Variants in MSRA observed in about 807,000 individuals in gnomAD.
The protein encoded by MSRA is mitochondrial peptide methionine sulfoxide reductase.
MSRA carries 54 observed loss-of-function variants against 31.3 expected under a neutral mutation model. The observed-to-expected ratio is 1.73, with a 90% CI of 1.39 to 2.17. MSRA has a LOEUF of 2.17. MSRA is among the 30% of genes most tolerant of loss of function. The probability of loss-of-function intolerance (pLI) is 0.00; values close to 1 mark genes in which losing one functional copy is unlikely to be tolerated. For synonymous variants in MSRA, 169 were observed against 116.5 expected (o/e 1.45, Z -2.90); for missense variants, 507 against 300.9 (o/e 1.69, Z -5.07).
chr8:10,184,635 C>T (rs1289215082), intron 1 of MSRA, among the ~76,000 whole-genome samples: 1 of 152,146 alleles, frequency 6.6e-6, no homozygotes, highest in Non-Finnish European at 1.5e-5. Flanking sequence ...GATGCCTTGT[C>T]TGATGCATTC....
chr8:10,298,599 T>C (rs1278329456), intron 3 of MSRA, among the ~76,000 whole-genome samples: 4 of 149,054 alleles, frequency 2.7e-5, no homozygotes, highest in South Asian at 2.2e-4. Flanking sequence ...TGGTAAATTT[T>C]ATGTTATGTT....
At position 10,388,898 on chromosome 8, in the gene MSRA, A is replaced by G. The variant is rs115588964; in HGVS notation, c.544-39250A>G. On this transcript the variant is annotated intron_variant, in intron 5 of 5. Coordinates refer to ENST00000317173, the MANE Select transcript of MSRA (RefSeq NM_012331.5). ...CACTGCTACCCTGGTTGTGGCAACT[A>G]AAGATGTCCCCTGGTCATTACCGAA... 2.8e-3 allele frequency among the ~76,000 whole-genome samples: 431 copies of G among 151,714 alleles called. 1 individual carries two copies. Among genetic ancestry groups the G allele is most frequent in the African/African-American group, 9.9e-3 (409 of 41,342 alleles).
chr8:10,096,083 T>G (rs1799139446), intron 1 of MSRA: 6 of 1,352,264 alleles, frequency 4.4e-6, no homozygotes, highest in Non-Finnish European at 5.9e-6. Context: ...TTTTAGACAT[T>G]TATAGACATT....
At chr8:10,384,423 G>A (rs914596610) in intron 5 of MSRA, among the ~76,000 whole-genome samples, 1 of 152,230 alleles carries the variant, frequency 6.6e-6, no homozygotes, top group Non-Finnish European at 1.5e-5. Flanking sequence ...GCCACACGAA[G>A]CCTCTTGAGG....
chr8:10,137,747 A>G (rs1303805223), intron 1 of MSRA, among the ~76,000 whole-genome samples: 3 of 152,048 alleles, frequency 2.0e-5, no homozygotes, highest in Non-Finnish European at 2.9e-5. Flanking sequence ...TAGAGCCTGG[A>G]TGGGTGCCTG....
In MSRA at chr8:10,290,739, G is replaced by A. The variant is rs1403342804; in HGVS notation, c.332-10795G>A. 4.6e-5 allele frequency among the ~76,000 whole-genome samples: 7 copies of A among 152,294 alleles called. No individual in the cohort carries two copies. In the East Asian group the frequency reaches 1.2e-3, roughly 25 times the overall value. ...ACACACAGACCTCTTTTTAAACTTG[G>A]TGGTATAATTCAGTAGCATCAAGGA... On this transcript the variant is annotated intron_variant, in intron 3 of 5. Coordinates refer to ENST00000317173, the MANE Select transcript of MSRA (RefSeq NM_012331.5).
intron 4 of MSRA, among the ~76,000 whole-genome samples, chr8:10,307,067 G>A (rs762076829): frequency 1.1e-4 from 16 of 152,240 alleles, no homozygotes; most frequent in Non-Finnish European, 1.9e-4. Flanking sequence ...GTTAGTGGCG[G>A]TATTTGGATG....
intron 1 of MSRA, among the ~76,000 whole-genome samples, chr8:10,088,021 T>C (rs1798657365): frequency 6.6e-6 from 1 of 152,206 alleles, no homozygotes. Flanking sequence ...GCTTATCATT[T>C]CTTTGTCCTT....
At chr8:10,185,919 C>G (rs58913892) in intron 1 of MSRA, among the ~76,000 whole-genome samples, 3,716 of 151,958 alleles carry the variant, frequency 0.024, 62 homozygotes, top group South Asian at 0.052. Flanking sequence ...AGAAGGAAAG[C>G]ACAACTCAGA....
At chr8:10,328,114 G>C (rs940273018) in intron 5 of MSRA, among the ~76,000 whole-genome samples, 1 of 136,360 alleles carries the variant, frequency 7.3e-6, no homozygotes, top group Non-Finnish European at 1.5e-5. Flanking sequence ...CTACCCTCTG[G>C]ACTCCAGATC....
chr8:10,422,083 C>T (rs1371478342), intron 5 of MSRA, among the ~76,000 whole-genome samples: 1 of 152,112 alleles, frequency 6.6e-6, no homozygotes, highest in Non-Finnish European at 1.5e-5. Context: ...GAATTTGAGA[C>T]CAGCGTGGAC....
chr8:10,171,490 C>A (rs1805584575), intron 1 of MSRA, among the ~76,000 whole-genome samples: 1 of 152,060 alleles, frequency 6.6e-6, no homozygotes, highest in Middle Eastern at 3.4e-3. Context: ...AAACAAGGGC[C>A]TTACACCTTT....
At chr8:10,362,884 G>C (rs1804935291) in intron 5 of MSRA, among the ~76,000 whole-genome samples, 1 of 151,720 alleles carries the variant, frequency 6.6e-6, no homozygotes, top group Non-Finnish European at 1.5e-5. Context: ...TCCTGCTCTT[G>C]TTCCTGCCCC....
At position 10,388,766 on chromosome 8, in the gene MSRA, T is replaced by G. The variant is rs115982255; in HGVS notation, c.544-39382T>G. Among the ~76,000 whole-genome samples, 6 of 152,078 alleles carry G rather than the reference T, an allele frequency of 3.9e-5. No homozygotes were observed. The East Asian group carries it at 1.2e-3, about 30-fold the overall frequency. On this transcript the variant is annotated intron_variant, in intron 5 of 5. Transcript: ENST00000317173. ...ACGTTTGGAGCCAGATAATTCCGTGTTGGGGGAGGGGAAGCTGTTCTACGC... is the reference window on the plus strand; with the variant it reads ...ACGTTTGGAGCCAGATAATTCCGTGGTGGGGGAGGGGAAGCTGTTCTACGC...
At chr8:10,235,167 T>C (rs1262044583) in intron 2 of MSRA, among the ~76,000 whole-genome samples, 1 of 152,146 alleles carries the variant, frequency 6.6e-6, no homozygotes, top group Non-Finnish European at 1.5e-5. Flanking sequence ...TTCACCAGGT[T>C]GTAGGTGACA....
At chr8:10,173,270 C>T (rs1296037430) in intron 1 of MSRA, among the ~76,000 whole-genome samples, 1 of 152,224 alleles carries the variant, frequency 6.6e-6, no homozygotes, top group African/African-American at 2.4e-5. Flanking sequence ...CTGCCTGCAG[C>T]CTTTGTTCTC....
At chr8:10,252,022 C>G (rs566680770) in intron 3 of MSRA, among the ~76,000 whole-genome samples, 3 of 152,286 alleles carry the variant, frequency 2.0e-5, no homozygotes, top group Admixed American at 6.5e-5. Context: ...TGTTTGAACT[C>G]GGTAAGATTC....
intron 1 of MSRA, among the ~76,000 whole-genome samples, chr8:10,063,936 C>A (rs1797332727): frequency 1.3e-5 from 2 of 152,210 alleles, no homozygotes; most frequent in African/African-American, 4.8e-5. Flanking sequence ...TTGGCTTCTT[C>A]CACTTCTCTG....
At chr8:10,288,824 C>T (rs1005369694) in intron 3 of MSRA, among the ~76,000 whole-genome samples, 2 of 152,074 alleles carry the variant, frequency 1.3e-5, no homozygotes, top group Admixed American at 6.6e-5. Flanking sequence ...AATATGTTAC[C>T]ACCATATACA....
Sources: gnomAD v4.1 joint callset for allele counts (sites outside exome capture counted in the v4.1 genomes callset) on GRCh38, gnomAD v4.1.1 for gene constraint, MANE v1.5 for transcripts, NCBI Gene and HGNC (gene_info 2026-07-23, HGNC 2026-07-21) for gene names.